The following CADM2 variants were observed in gnomAD, a reference collection of about 807,000 sequenced individuals.
CADM2 encodes cell adhesion molecule 2.
Under a neutral mutation model 49.8 loss-of-function variants are expected in CADM2, and 12 were observed. That is an observed-to-expected ratio of 0.24 (90% CI 0.15 to 0.39). The LOEUF is 0.39. CADM2 is among the 10% of genes least tolerant of loss of function. The probability of loss-of-function intolerance (pLI) is 1.00; values close to 1 mark genes in which losing one functional copy is unlikely to be tolerated. For missense variants in CADM2, 378 were observed against 492.3 expected (o/e 0.77, Z 2.20); for synonymous variants, 214 against 175.4 (o/e 1.22, Z -1.74).
intron 3 of CADM2, among the ~76,000 whole-genome samples, chr3:85,809,719 CGTT>C (rs1171423312): frequency 1.0e-4 from 7 of 70,138 alleles, no homozygotes; most frequent in African/African-American, 4.0e-4. Context: ...TTCCTTCCTT[CGTT>C]CCTTCCCTCC....
chr3:85,903,442 T>C (rs1453363594), intron 5 of CADM2, among the ~76,000 whole-genome samples: 2 of 152,160 alleles, frequency 1.3e-5, no homozygotes, highest in East Asian at 3.9e-4. Context: ...CACCTTCATT[T>C]TTGAAAAATA....
chr3:85,819,024 G>T (rs2073392958), intron 3 of CADM2, among the ~76,000 whole-genome samples: 1 of 152,002 alleles, frequency 6.6e-6, no homozygotes, highest in South Asian at 2.1e-4. Flanking sequence ...GAGTCCCAAA[G>T]CCTCAAAAGT....
chr3:85,374,586 G>T (rs1386273494), intron 1 of CADM2, among the ~76,000 whole-genome samples: 1 of 152,098 alleles, frequency 6.6e-6, no homozygotes, highest in Non-Finnish European at 1.5e-5. Context: ...TTTTTATACT[G>T]CTGTGAAGAA....
chr3:85,055,979 A>G (rs1283673024), intron 1 of CADM2, among the ~76,000 whole-genome samples: 1 of 152,072 alleles, frequency 6.6e-6, no homozygotes, highest in East Asian at 1.9e-4. Flanking sequence ...ATAGCCCAGT[A>G]TTGTAACAAA....
At chr3:85,832,804 C>G (rs559888844) in intron 3 of CADM2, among the ~76,000 whole-genome samples, 1 of 151,946 alleles carries the variant, frequency 6.6e-6, no homozygotes, top group African/African-American at 2.4e-5. Context: ...ATTTCTTTCT[C>G]TTACCTGAGT....
intron 1 of CADM2, among the ~76,000 whole-genome samples, chr3:85,559,595 A>T (rs561511982): frequency 9.5e-4 from 144 of 152,096 alleles, no homozygotes; most frequent in Non-Finnish European, 1.8e-3. Context: ...ACTTTAAAAA[A>T]GAAACACATA....
At chr3:85,887,655 T>C (rs1251822839) in intron 5 of CADM2, among the ~76,000 whole-genome samples, 1 of 152,158 alleles carries the variant, frequency 6.6e-6, no homozygotes, top group Non-Finnish European at 1.5e-5. Context: ...TTTTGAGAAA[T>C]ACAAGTCCCA....
At chr3:85,275,372 G>A (rs1386753414) in intron 1 of CADM2, among the ~76,000 whole-genome samples, 1 of 151,356 alleles carries the variant, frequency 6.6e-6, no homozygotes, top group Non-Finnish European at 1.5e-5. Flanking sequence ...TGTTTATGCT[G>A]GGCATCCCGC....
chr3:85,039,875 C>T (rs529263049), intron 1 of CADM2, among the ~76,000 whole-genome samples: 18 of 152,312 alleles, frequency 1.2e-4, no homozygotes, highest in East Asian at 1.9e-4. Context: ...AAAGAAAAAA[C>T]GGCTTCACCC....
chr3:85,348,627 T>C (rs60410611), intron 1 of CADM2, among the ~76,000 whole-genome samples: 1,724 of 152,308 alleles, frequency 0.011, 24 homozygotes, highest in African/African-American at 0.04. Flanking sequence ...GTTCATCTGC[T>C]TTTGGGATTG....
intron 8 of CADM2, among the ~76,000 whole-genome samples, chr3:86,015,607 G>A (rs1332822486): frequency 1.3e-5 from 2 of 152,190 alleles, no homozygotes; most frequent in Middle Eastern, 3.2e-3. Context: ...AAGCTTGTGA[G>A]CTCGCCAAAC....
At chr3:85,239,357 C>T (rs1010969924) in intron 1 of CADM2, among the ~76,000 whole-genome samples, 2 of 151,586 alleles carry the variant, frequency 1.3e-5, no homozygotes, top group African/African-American at 4.8e-5. Flanking sequence ...TTATTTCAAA[C>T]TAAAGAGTTA....
chr3:85,395,125 A>AG (rs943689195), intron 1 of CADM2, among the ~76,000 whole-genome samples: 1 of 151,842 alleles, frequency 6.6e-6, no homozygotes, highest in African/African-American at 2.4e-5. Flanking sequence ...TCTCTAAAAA[A>AG]AAAATAAAGC....
intron 1 of CADM2, among the ~76,000 whole-genome samples, chr3:85,428,296 TA>T (rs2036505468): frequency 6.8e-6 from 1 of 147,516 alleles, no homozygotes; most frequent in South Asian, 2.1e-4. Context: ...TCATCAAAGG[TA>T]AAATGCAAAA....
intron 8 of CADM2, among the ~76,000 whole-genome samples, chr3:86,039,592 G>T (rs971895049): frequency 6.6e-6 from 1 of 152,174 alleles, no homozygotes; most frequent in African/African-American, 2.4e-5. Flanking sequence ...CTTGAAGCTC[G>T]AATTGGGTGG....
Position 85,883,381 on chromosome 3 carries a change from A to C in CADM2, c.329A>C (p.Gln110Pro). ...VSDVSLSDEG[Q>P]YTCSLFTMPV... ...GATGTGTCTCTCTCTGATGAAGGACAGTACACCTGTTCTTTATTTACAATG... is the reference window on the plus strand; with the variant it reads ...GATGTGTCTCTCTCTGATGAAGGACCGTACACCTGTTCTTTATTTACAATG... Residue 110 changes from glutamine (Q) to proline (P), a missense_variant, in exon 4 of 10, where the codon CAG (glutamine) becomes CCG (proline). Gln to Pro is a moderately conservative substitution (Grantham distance 76, BLOSUM62 -1). Coordinates refer to ENST00000383699, the MANE Select transcript of CADM2 (RefSeq NM_001167675.2). The C allele has an allele frequency of 6.2e-7, 1 of 1,613,942 alleles. No individual in the cohort carries two copies. The highest frequency in any genetic ancestry group is 8.5e-7 in the Non-Finnish European group (1 of 1,179,890).
intron 6 of CADM2, among the ~76,000 whole-genome samples, chr3:85,925,999 T>G (rs887399423): frequency 6.6e-6 from 1 of 151,332 alleles, no homozygotes; most frequent in Non-Finnish European, 1.5e-5. Context: ...TGACCGGGCG[T>G]GGTGGAAGAC....
At chr3:85,134,238 G>C (rs1392442717) in intron 1 of CADM2, among the ~76,000 whole-genome samples, 4 of 152,192 alleles carry the variant, frequency 2.6e-5, no homozygotes, top group Non-Finnish European at 4.4e-5. Context: ...CCGCTCGCGC[G>C]TCTCCCTCCA....
intron 2 of CADM2, among the ~76,000 whole-genome samples, chr3:85,763,583 T>C (rs1316454716): frequency 1.3e-5 from 2 of 152,288 alleles, no homozygotes; most frequent in East Asian, 1.9e-4. Context: ...TCTTACAGCA[T>C]TTAAGTGGGT....
Sources: allele counts gnomAD v4.1 joint callset (sites outside exome capture counted in the v4.1 genomes callset), GRCh38; gene constraint gnomAD v4.1.1; transcripts MANE v1.5; gene names NCBI Gene and HGNC (gene_info 2026-07-23, HGNC 2026-07-21).